The following SHISA5 variants were observed in gnomAD, a reference collection of about 807,000 sequenced individuals.
SHISA5 encodes the protein protein shisa-5.
SHISA5 carries 21 observed loss-of-function variants against 27.5 expected under a neutral mutation model. The observed-to-expected ratio is 0.76, with a 90% confidence interval of 0.54 to 1.10. The LOEUF is 1.10. SHISA5 is among the 50% of genes least tolerant of loss of function. SHISA5 has a pLI of 0.00. For missense variants in SHISA5, 314 were observed against 336.3 expected, an observed-to-expected ratio of 0.93 and a Z score of 0.52; for synonymous variants, 137 against 142.2, an observed-to-expected ratio of 0.96 and a Z score of 0.26.
intron 2 of SHISA5, among the ~76,000 whole-genome samples, chr3:48,490,273 A>G (rs940633065): frequency 1.3e-5 from 2 of 152,112 alleles, no homozygotes; most frequent in African/African-American, 4.8e-5. Context: ...GGGTTTCTCT[A>G]TGTTGGTCAG....
intron 2 of SHISA5, among the ~76,000 whole-genome samples, chr3:48,499,584 G>T (rs560910193): frequency 6.7e-6 from 1 of 150,194 alleles, no homozygotes. Flanking sequence ...GGAGGCTGAG[G>T]TAGGAGAATG....
rs561649014 is a variant in SHISA5 at position 48,476,515 on chromosome 3, C to G, written c.314+2662G>C. ...CCTGAGCTCCTGGCCATGGCCTCGA[C>G]AGCAGGGGCCAGGCCCTCAACATGG... On this transcript the variant is annotated intron_variant, in intron 3 of 5. Coordinates refer to ENST00000296444, the MANE Select transcript of SHISA5 (RefSeq NM_016479.6). Among the ~76,000 whole-genome samples, 4 of 152,292 alleles carry G rather than the reference C, an allele frequency of 2.6e-5. No individual in the cohort carries two copies. In the South Asian group the frequency reaches 8.3e-4, roughly 32 times the overall value.
chr3:48,472,817 G>A (rs895005866), intron 3 of SHISA5, among the ~76,000 whole-genome samples: 11 of 152,274 alleles, frequency 7.2e-5, no homozygotes, highest in East Asian at 1.9e-4. Flanking sequence ...GCCCCAGGCC[G>A]TCCAGGACAA....
intron 3 of SHISA5, chr3:48,472,963 C>A: frequency 1.3e-6 from 2 of 1,494,116 alleles, no homozygotes; most frequent in South Asian, 2.4e-5. Context: ...AGAGATCTCT[C>A]AGTGTTTGTC....
At chr3:48,503,081 G>A (rs2041802591) in intron 1 of SHISA5, 9 of 1,287,432 alleles carry the variant, frequency 7.0e-6, no homozygotes, top group Non-Finnish European at 8.1e-6. Flanking sequence ...AGCCCAGTTT[G>A]GCCAGCTGCC....
At chr3:48,482,670 T>C (rs932558003) in intron 2 of SHISA5, among the ~76,000 whole-genome samples, 20 of 151,918 alleles carry the variant, frequency 1.3e-4, no homozygotes, top group Admixed American at 9.8e-4. Flanking sequence ...GTCTCGTCTC[T>C]TGTCGCCCAG....
chr3:48,495,911 G>A (rs1202490177), intron 2 of SHISA5, among the ~76,000 whole-genome samples: 4 of 147,234 alleles, frequency 2.7e-5, no homozygotes, highest in African/African-American at 5.4e-5. Context: ...AGAACTTTGG[G>A]AGGCCAAGGA....
Position 48,473,537 on chromosome 3 carries a change from C to T in SHISA5, c.315-3694G>A, listed in dbSNP as rs2040719735. On this transcript the variant is annotated intron_variant, in intron 3 of 5. Coordinates refer to ENST00000296444, the MANE Select transcript of SHISA5 (RefSeq NM_016479.6). The surrounding 1 kb of genome is among the most constrained non-coding windows in gnomAD (Gnocchi z 4.3). ...CACACATGCAAGGAGCAAAGTCCAG[C>T]CTGTCCCTTTAGCTCCTCCTCTCCC... 8 of 1,285,846 alleles carry T rather than the reference C, an allele frequency of 6.2e-6. No individual in the cohort carries two copies. In the South Asian group the frequency reaches 8.7e-5, roughly 14 times the overall value. The allele number at this position is 1,285,846 out of a possible 1,614,324, so 79.7% of individuals were successfully genotyped here.
chr3:48,486,350 GTATTATA>G lies in SHISA5; in HGVS notation c.234-7100_234-7094del, dbSNP rs1295609039. Among the ~76,000 whole-genome samples the G allele has an allele frequency of 5.4e-4, 39 of 71,584 alleles. 2 individuals are homozygous for G. Among genetic ancestry groups the G allele is most frequent in the East Asian group, 2.9e-3 (8 of 2,728 alleles). The allele number at this position is 71,584 out of a possible 152,430, so 47.0% of individuals were successfully genotyped here. On this transcript the variant is annotated intron_variant, in intron 2 of 5. Coordinates refer to ENST00000296444, the MANE Select transcript of SHISA5 (RefSeq NM_016479.6). Reference sequence around the variant, plus strand: ...ATGTTATATAATATATAATGATAATGTATTATATATTATATATTATATAATATATAAT... The same window carrying G: ...ATGTTATATAATATATAATGATAATGTATTATATATTATATAATATATAAT...
chr3:48,484,407 C>G (rs2041129546), intron 2 of SHISA5, among the ~76,000 whole-genome samples: 1 of 151,904 alleles, frequency 6.6e-6, no homozygotes, highest in Non-Finnish European at 1.5e-5. Context: ...ACCAGCCTGG[C>G]CAACATGGTG....
Position 48,473,075 on chromosome 3 carries a change from G to C in SHISA5, c.315-3232C>G. 6.6e-7 allele frequency: 1 copy of C among 1,511,078 alleles called. No individual in the cohort carries two copies. Among genetic ancestry groups the C allele is most frequent in the Non-Finnish European group, 8.8e-7 (1 of 1,136,536 alleles). The allele number at this position is 1,511,078 out of a possible 1,614,324, so 93.6% of individuals were successfully genotyped here. On this transcript the variant is annotated intron_variant, in intron 3 of 5. Transcript: ENST00000296444. The surrounding 1 kb of genome is among the most constrained non-coding windows in gnomAD (Gnocchi z 4.3). The stretch of plus-strand genomic sequence containing the variant: ...CCCTGGGCTTTCCCCTCTTCCCATC[G>C]TGGGCCACTCAGTTTCAATTTCCTC...
In SHISA5 at chr3:48,469,876, T is replaced by C; in HGVS notation, c.315-33A>G. The C allele has an allele frequency of 6.3e-7, 1 of 1,597,250 alleles. No homozygotes were observed. Among genetic ancestry groups the C allele is most frequent in the Non-Finnish European group, 8.5e-7 (1 of 1,171,704 alleles). Reference sequence around the variant, plus strand: ...AGAGCTAGACGTGACCCGGGGCACCTCGCCCCTCCCCAGACCAGCATCCAC... The same window carrying C: ...AGAGCTAGACGTGACCCGGGGCACCCCGCCCCTCCCCAGACCAGCATCCAC... On this transcript the variant is annotated intron_variant, in intron 3 of 5. Coordinates refer to ENST00000296444, the MANE Select transcript of SHISA5 (RefSeq NM_016479.6). The surrounding 1 kb of genome is among the most constrained non-coding windows in gnomAD (Gnocchi z 4.6).
At chr3:48,494,541 C>G (rs957756853) in intron 2 of SHISA5, among the ~76,000 whole-genome samples, 5 of 147,306 alleles carry the variant, frequency 3.4e-5, no homozygotes, top group East Asian at 1.9e-4. Context: ...GATCCACCCC[C>G]CCTTGGCCTC....
In SHISA5 at chr3:48,469,381, G is replaced by T. The variant is rs759183710; in HGVS notation, c.623C>A (p.Ala208Asp). The T allele has an allele frequency of 6.3e-7, 1 of 1,594,268 alleles. No individual in the cohort carries two copies. Among genetic ancestry groups the T allele is most frequent in the Admixed American group, 1.7e-5 (1 of 58,672 alleles). ...CTCACCAGCCAGGGTCTCGTGGTAGGCCGGTGGGCCCATGGGCTGGGCTGG... is the reference window on the plus strand; with the variant it reads ...CTCACCAGCCAGGGTCTCGTGGTAGTCCGGTGGGCCCATGGGCTGGGCTGG... ...PYPAQPMGPP[A>D]YHETLAGGAA... Residue 208 changes from alanine (A) to aspartate (D), a missense_variant, in exon 5 of 6, where the codon GCC (alanine) becomes GAC (aspartate). Coordinates refer to ENST00000296444, the MANE Select transcript of SHISA5 (RefSeq NM_016479.6). This position sits in a 1 kb window ranked among gnomAD's most constrained non-coding sequence, Gnocchi z 4.6.
chr3:48,494,084 A>T (rs1008911126), intron 2 of SHISA5, among the ~76,000 whole-genome samples: 2 of 146,924 alleles, frequency 1.4e-5, no homozygotes, highest in Non-Finnish European at 2.9e-5. Flanking sequence ...CTCCTAAGTG[A>T]AATTTTGTGT....
Position 48,479,299 on chromosome 3 carries a change from C to G in SHISA5, c.234-42G>C, listed in dbSNP as rs956130245. 11 of 1,563,852 alleles carry G rather than the reference C, an allele frequency of 7.0e-6. No homozygotes were observed. In the African/African-American group the frequency reaches 1.2e-4, roughly 17 times the overall value. ...TTGTGATTAGCACAATGAAGCCCCACCGAGCGCCAGCACAAACACTACCTT... is the reference window on the plus strand; with the variant it reads ...TTGTGATTAGCACAATGAAGCCCCAGCGAGCGCCAGCACAAACACTACCTT... On this transcript the variant is annotated intron_variant, in intron 2 of 5. Coordinates refer to ENST00000296444, the MANE Select transcript of SHISA5 (RefSeq NM_016479.6).
chr3:48,501,765 C>T (rs1414446401), intron 1 of SHISA5, among the ~76,000 whole-genome samples: 1 of 152,160 alleles, frequency 6.6e-6, no homozygotes, highest in African/African-American at 2.4e-5. Flanking sequence ...CCTTCAAGGC[C>T]CTACTCCAGG....
At chr3:48,487,862 C>T (rs2041298107) in intron 2 of SHISA5, among the ~76,000 whole-genome samples, 1 of 152,230 alleles carries the variant, frequency 6.6e-6, no homozygotes, top group Admixed American at 6.5e-5. Flanking sequence ...TGCCACTGCA[C>T]TCCAGCCTGG....
At chr3:48,502,272 C>T (rs940421371) in intron 1 of SHISA5, 39 of 418,564 alleles carry the variant, frequency 9.3e-5, no homozygotes, top group Non-Finnish European at 1.5e-4. Flanking sequence ...CAGACCACCC[C>T]ATAACCATGA....
Sources: gnomAD v4.1 joint callset for allele counts (sites outside exome capture counted in the v4.1 genomes callset) on GRCh38, gnomAD v4.1.1 for gene constraint, Gnocchi (gnomAD v3.1) non-coding constraint, MANE v1.5 for transcripts, NCBI Gene and HGNC (gene_info 2026-07-23, HGNC 2026-07-21) for gene names.